The following PRRC2C variants were observed in gnomAD, a reference collection of about 807,000 sequenced individuals.
PRRC2C encodes the protein protein PRRC2C.
In PRRC2C, 72 loss-of-function variants were observed where a neutral mutation model predicts 317.2. That is an observed-to-expected ratio of 0.23 (90% CI 0.19 to 0.28). PRRC2C has a LOEUF of 0.28. Ranked by LOEUF, PRRC2C falls within the 10% of genes least tolerant of loss-of-function variation. The probability of loss-of-function intolerance (pLI) is 1.00; values close to 1 mark genes in which losing one functional copy is unlikely to be tolerated. For missense variants in PRRC2C, 3,074 were observed against 3,459.7 expected (o/e 0.89, Z 2.80); for synonymous variants, 1,296 against 1,205.9 (o/e 1.07, Z -1.55).
At position 171,541,114 on chromosome 1, in the gene PRRC2C, C is replaced by G; in HGVS notation, c.3648C>G (p.His1216Gln). ...GGCGTGGCAGGGGTGGTAGGGGACA[C>G]ACTCGAGATTATCCTCAGTATAGAG... ...YGGRGRGGRG[H>Q]TRDYPQYRDN... Residue 1216 changes from histidine to glutamine, a missense_variant, in exon 16 of 35, where the codon CAC (histidine) becomes CAG (glutamine). His to Gln is a conservative substitution (Grantham distance 24). Around this residue, in one of 11 missense-constraint regions of PRRC2C, gnomAD observed 1,320 missense variants for 1,395.7 expected, o/e 0.95. Coordinates refer to ENST00000647382, the MANE Select transcript of PRRC2C (RefSeq NM_001387844.1). The surrounding 1 kb of genome is among the most constrained non-coding windows in gnomAD (Gnocchi z 4.1). The G allele has an allele frequency of 6.2e-7, 1 of 1,613,804 alleles. No individual in the cohort carries two copies. Among genetic ancestry groups the G allele is most frequent in the African/African-American group, 1.3e-5 (1 of 75,018 alleles).
intron 31 of PRRC2C, 81 bp downstream of exon 31, chr1:171,587,302 A>G: frequency 4.6e-6 from 6 of 1,294,750 alleles, no homozygotes; most frequent in Non-Finnish European, 6.2e-6. Flanking sequence ...TTATCTAAAA[A>G]ACTAAAATGC....
intron 17 of PRRC2C, among the ~76,000 whole-genome samples, chr1:171,548,948 C>T (rs1679679446): frequency 6.6e-6 from 1 of 152,046 alleles, no homozygotes; most frequent in Non-Finnish European, 1.5e-5. Context: ...ACCTCCCCAA[C>T]TGAAGTGATT....
In PRRC2C at chr1:171,537,890, GTTTTGT is replaced by G. The variant is rs768089860; in HGVS notation, c.2504+441_2504+446del. On this transcript the variant is annotated intron_variant, in intron 15 of 34. Coordinates refer to ENST00000647382, the MANE Select transcript of PRRC2C (RefSeq NM_001387844.1). ...CCCGCTAATCTTTGTGGGGTTTTTTGTTTTGTTTTTGTTTTTGTTTTTGTTTTTGAG... is the reference window on the plus strand; with the variant it reads ...CCCGCTAATCTTTGTGGGGTTTTTTGTTTTGTTTTTGTTTTTGTTTTTGAG... Among the ~76,000 whole-genome samples the G allele has an allele frequency of 1.9e-3, 287 of 151,036 alleles. 1 individual carries two copies. Among genetic ancestry groups the G allele is most frequent in the Non-Finnish European group, 3.5e-3 (240 of 67,858 alleles).
intron 28 of PRRC2C, among the ~76,000 whole-genome samples, chr1:171,583,325 T>C (rs1649129159): frequency 6.7e-6 from 1 of 148,622 alleles, no homozygotes; most frequent in African/African-American, 2.5e-5. Flanking sequence ...TTTTTTAACT[T>C]TTTAAACTTT....
Position 171,561,019 on chromosome 1 carries a change from A to C in PRRC2C, c.6033A>C (p.Leu2011Phe). The C allele has an allele frequency of 6.3e-7, 1 of 1,585,336 alleles. No homozygotes were observed. The highest frequency in any genetic ancestry group is 8.7e-7 in the Non-Finnish European group (1 of 1,153,886). Residue 2011 changes from leucine (L) to phenylalanine (F), a missense_variant and splice_region_variant, in exon 20 of 35, where the codon TTA becomes TTC. Coordinates refer to ENST00000647382, the MANE Select transcript of PRRC2C (RefSeq NM_001387844.1). ...TTTTTTATGGCTTCTTCTTTCCAGT[A>C]GGTCCCATTAGTCCACCACAGCCAC... ...PAVLNDISKK[L>F]GPISPPQPPS...
chr1:171,584,786 G>A (rs1649479705), intron 30 of PRRC2C, among the ~76,000 whole-genome samples: 1 of 151,942 alleles, frequency 6.6e-6, no homozygotes, highest in South Asian at 2.1e-4. Context: ...GTTGGTTTAG[G>A]GGGTTTTGTT....
At chr1:171,486,282 A>G (rs1666083627) in intron 1 of PRRC2C, among the ~76,000 whole-genome samples, 1 of 151,900 alleles carries the variant, frequency 6.6e-6, no homozygotes, top group South Asian at 2.1e-4. Context: ...CTCTTCGGGG[A>G]ATCAAGACCA....
intron 28 of PRRC2C, among the ~76,000 whole-genome samples, chr1:171,582,906 A>C (rs1214489618): frequency 2.6e-5 from 4 of 151,860 alleles, no homozygotes; most frequent in African/African-American, 7.3e-5. Context: ...ACCTCAACTT[A>C]CTATAATTTT....
chr1:171,554,611 C>G (rs1340703207), intron 18 of PRRC2C, among the ~76,000 whole-genome samples: 1 of 152,142 alleles, frequency 6.6e-6, no homozygotes, highest in African/African-American at 2.4e-5. Flanking sequence ...AGTACTGGTT[C>G]TTGCTTTCCA....
chr1:171,581,375 GT>G (rs1339007293), intron 28 of PRRC2C, among the ~76,000 whole-genome samples: 1 of 152,200 alleles, frequency 6.6e-6, no homozygotes, highest in Non-Finnish European at 1.5e-5. Flanking sequence ...TTTCAGTACT[GT>G]GAAAAAGAGT....
At chr1:171,555,501 C>A (rs1681197383) in intron 18 of PRRC2C, among the ~76,000 whole-genome samples, 1 of 152,196 alleles carries the variant, frequency 6.6e-6, no homozygotes. Context: ...TAGCTTTGTT[C>A]CGTTGCTGGC....
intron 15 of PRRC2C, among the ~76,000 whole-genome samples, chr1:171,538,147 T>C (rs180906258): frequency 6.6e-6 from 1 of 152,210 alleles, no homozygotes; most frequent in East Asian, 1.9e-4. Flanking sequence ...TGATAATCTT[T>C]GTATTTTTTA....
At chr1:171,589,330 TAACA>T in intron 33 of PRRC2C, 35 bp from the exon 34 acceptor site, 3 of 691,966 alleles carry the variant, frequency 4.3e-6, no homozygotes, top group East Asian at 7.2e-5. Context: ...TTTTTTTTTT[TAACA>T]GTTCAATGTT....
rs776857405 is a variant in PRRC2C at position 171,532,556 on chromosome 1, T to C, written c.1468T>C (p.Leu490=). 3.2e-6 allele frequency: 5 copies of C among 1,582,816 alleles called. No homozygotes were observed. The African/African-American group carries it at 6.7e-5, about 21-fold the overall frequency. The change falls in exon 12 of 35, where the codon TTG becomes CTG. Residue 490 remains leucine (L), a synonymous_variant. Coordinates refer to ENST00000647382, the MANE Select transcript of PRRC2C (RefSeq NM_001387844.1). The stretch of plus-strand genomic sequence containing the variant: ...AGCTTGTGCGGAGAAACTGAAACGA[T>C]TGGATGAGAAGCTTGGCATCCTGGA... ...KAACAEKLKR[L]DEKLGILEKQ...
chr1:171,513,274 C>A, intron 3 of PRRC2C, 102 bp downstream of exon 3: 1 of 1,182,202 alleles, frequency 8.5e-7, no homozygotes, highest in Non-Finnish European at 1.2e-6. Context: ...GTCTGTATTA[C>A]ATATTACATA....
intron 23 of PRRC2C, among the ~76,000 whole-genome samples, chr1:171,570,592 G>A (rs887082967): frequency 7.2e-5 from 11 of 152,082 alleles, no homozygotes; most frequent in African/African-American, 1.9e-4. Flanking sequence ...CATCCAAAAC[G>A]TAATACATAA....
At position 171,550,255 on chromosome 1, in the gene PRRC2C, T is replaced by G. The variant is rs1359408060; in HGVS notation, c.5127+15T>G. 1 of 1,550,096 alleles carries G rather than the reference T, an allele frequency of 6.5e-7. No individual in the cohort carries two copies. The highest frequency in any genetic ancestry group is 8.7e-7 in the Non-Finnish European group (1 of 1,145,906). ...AAGTCATACAGGTTTAAATCTTGTT[T>G]CAACTTGTTGCTAGTTATCTAGATT... On this transcript the variant is annotated intron_variant, in intron 18 of 34. Coordinates refer to ENST00000647382, the MANE Select transcript of PRRC2C (RefSeq NM_001387844.1).
intron 27 of PRRC2C, 30 bp from the exon 28 acceptor site, chr1:171,579,798 A>G (rs768989094): frequency 6.6e-7 from 1 of 1,506,784 alleles, no homozygotes; most frequent in Non-Finnish European, 8.9e-7. Flanking sequence ...GTTGATATAT[A>G]TGTTTACATA....
chr1:171,569,659 A>T (rs1018682272), intron 23 of PRRC2C, among the ~76,000 whole-genome samples: 2 of 143,856 alleles, frequency 1.4e-5, no homozygotes, highest in South Asian at 4.5e-4. Context: ...CTTGGGAAGG[A>T]GGAAAAGACT....
Sources: gnomAD v4.1 joint callset for allele counts (sites outside exome capture counted in the v4.1 genomes callset) on GRCh38, gnomAD v4.1.1 for gene constraint, gnomAD v4.1.1 regional missense constraint, Gnocchi (gnomAD v3.1) non-coding constraint, MANE v1.5 for transcripts, NCBI Gene and HGNC (gene_info 2026-07-23, HGNC 2026-07-21) for gene names.